Variants in MAGI1 observed in about 807,000 individuals in gnomAD.
The protein encoded by MAGI1 is membrane associated guanylate kinase, WW and PDZ domain containing 1, also known as membrane-associated guanylate kinase, WW and PDZ domain-containing protein 1.
In MAGI1, 58 loss-of-function variants were observed where a neutral mutation model predicts 139.9. That is an observed-to-expected ratio of 0.41 (90% CI 0.34 to 0.52). The LOEUF is 0.52. Among genes scored for constraint, MAGI1 ranks in the 20% least tolerant of loss-of-function variants. MAGI1 has a pLI of 0.12. For synonymous variants in MAGI1, 812 were observed against 737.9 expected (o/e 1.10, Z -1.63); for missense variants, 1,874 against 1,901.6 (o/e 0.99, Z 0.27).
Position 65,596,771 on chromosome 3 carries a change from A to G in MAGI1, c.430+25201T>C, listed in dbSNP as rs934082826. ...GGCCCATTCACTTACAGAACCAGAC[A>G]GGGAGAAAAGCCTTTTAGCTCCCAA... On this transcript the variant is annotated intron_variant, in intron 2 of 22. Coordinates refer to ENST00000402939, the MANE Select transcript of MAGI1 (RefSeq NM_001033057.2). Among the ~76,000 whole-genome samples, 7 of 152,216 alleles carry G rather than the reference A, an allele frequency of 4.6e-5. No homozygotes were observed. The South Asian group carries it at 8.3e-4, about 18-fold the overall frequency.
intron 1 of MAGI1, among the ~76,000 whole-genome samples, chr3:65,631,174 A>G (rs962211497): frequency 2.0e-5 from 3 of 152,208 alleles, no homozygotes; most frequent in Non-Finnish European, 4.4e-5. Flanking sequence ...GATGTAATTT[A>G]AAACTAGAAC....
chr3:65,449,110 C>T (rs1220381961), intron 6 of MAGI1, among the ~76,000 whole-genome samples: 1 of 113,398 alleles, frequency 8.8e-6, no homozygotes, highest in Non-Finnish European at 1.6e-5. Context: ...ACCTTGTAAA[C>T]TCTTGATTTG....
rs2084885805 is a variant in MAGI1, at chr3:65,639,833, T to C, written c.314-17745A>G. ...GCCTGACCAACATGGAAAAACCCCG[T>C]CTCTACTAAAAATACAAAATTAGCC... On this transcript the variant is annotated intron_variant, in intron 1 of 22. Coordinates refer to ENST00000402939, the MANE Select transcript of MAGI1 (RefSeq NM_001033057.2). Among the ~76,000 whole-genome samples, 12 of 151,900 alleles carry C rather than the reference T, an allele frequency of 7.9e-5. No individual in the cohort carries two copies. In the South Asian group the frequency reaches 2.5e-3, roughly 32 times the overall value.
intron 2 of MAGI1, among the ~76,000 whole-genome samples, chr3:65,498,446 A>AT: frequency 6.6e-6 from 1 of 152,308 alleles, no homozygotes; most frequent in Middle Eastern, 3.4e-3. Context: ...AAGAAAAAAA[A>AT]ATATATAACG....
chr3:65,969,006 C>A (rs1224341931), intron 1 of MAGI1, among the ~76,000 whole-genome samples: 2 of 152,146 alleles, frequency 1.3e-5, no homozygotes. Flanking sequence ...AGAAGGACTA[C>A]GTAATTTGCT....
At position 65,557,576 on chromosome 3, in the gene MAGI1, T is replaced by C. The variant is rs192385120; in HGVS notation, c.431-63945A>G. Among the ~76,000 whole-genome samples the C allele has an allele frequency of 3.9e-5, 6 of 152,296 alleles. No individual in the cohort carries two copies. In the East Asian group the frequency reaches 7.7e-4, roughly 20 times the overall value. ...AAGCAATTACCTTAAAACTTAGCAATAGATAATGAATATGCTTGGTTAGAT... is the reference window on the plus strand; with the variant it reads ...AAGCAATTACCTTAAAACTTAGCAACAGATAATGAATATGCTTGGTTAGAT... On this transcript the variant is annotated intron_variant, in intron 2 of 22. Coordinates refer to ENST00000402939, the MANE Select transcript of MAGI1 (RefSeq NM_001033057.2).
At chr3:65,736,943 A>C (rs1054491711) in intron 1 of MAGI1, among the ~76,000 whole-genome samples, 4 of 152,178 alleles carry the variant, frequency 2.6e-5, no homozygotes, top group Non-Finnish European at 5.9e-5. Context: ...AGAATACCAC[A>C]AACACCTTTG....
At chr3:65,987,493 G>A (rs2065941180) in intron 1 of MAGI1, among the ~76,000 whole-genome samples, 1 of 152,166 alleles carries the variant, frequency 6.6e-6, no homozygotes, top group Admixed American at 6.6e-5. Flanking sequence ...GGTGAGGCAG[G>A]CGAGCCACTT....
intron 1 of MAGI1, among the ~76,000 whole-genome samples, chr3:65,817,565 A>G (rs1182559106): frequency 6.6e-6 from 1 of 152,242 alleles, no homozygotes; most frequent in African/African-American, 2.4e-5. Context: ...TCTTGGTCCA[A>G]TAATATACTC....
At chr3:65,611,264 A>G (rs1429003417) in intron 2 of MAGI1, among the ~76,000 whole-genome samples, 2 of 142,096 alleles carry the variant, frequency 1.4e-5, no homozygotes, top group South Asian at 2.2e-4. Context: ...CATATATAGT[A>G]TATATACTAT....
At chr3:65,859,381 C>G (rs1170496491) in intron 1 of MAGI1, among the ~76,000 whole-genome samples, 1 of 151,642 alleles carries the variant, frequency 6.6e-6, no homozygotes, top group African/African-American at 2.4e-5. Context: ...AAAACTGAAA[C>G]TCCATTTAGC....
intron 2 of MAGI1, among the ~76,000 whole-genome samples, chr3:65,561,466 G>A (rs748094443): frequency 6.6e-6 from 1 of 152,094 alleles, no homozygotes; most frequent in Non-Finnish European, 1.5e-5. Context: ...CAAAATTCAA[G>A]GAGGTGCTTA....
intron 3 of MAGI1, among the ~76,000 whole-genome samples, chr3:65,490,240 C>T (rs946415337): frequency 6.6e-6 from 1 of 152,182 alleles, no homozygotes; most frequent in Non-Finnish European, 1.5e-5. Context: ...TATTATTATC[C>T]TCATTTTACC....
intron 2 of MAGI1, among the ~76,000 whole-genome samples, chr3:65,614,141 A>C (rs573328752): frequency 4.6e-5 from 7 of 152,302 alleles, no homozygotes; most frequent in African/African-American, 9.6e-5. Context: ...AAAGCCCATC[A>C]CATCTGAATG....
rs546142203 is a variant in MAGI1, at chr3:65,726,615, T to C, written c.314-104527A>G. On this transcript the variant is annotated intron_variant, in intron 1 of 22. Transcript: ENST00000402939. ...TCTCAAAAATGGCTAGAGAGAATTATTGTCTTTTATACATACTGATCCAAA... is the reference window on the plus strand; with the variant it reads ...TCTCAAAAATGGCTAGAGAGAATTACTGTCTTTTATACATACTGATCCAAA... Among the ~76,000 whole-genome samples, 7 of 152,324 alleles carry C rather than the reference T, an allele frequency of 4.6e-5. No homozygotes were observed. The East Asian group carries it at 9.6e-4, about 21-fold the overall frequency.
rs146708091 is a variant in MAGI1, at chr3:65,356,608, T to G, written c.4159A>C (p.Arg1387=). Residue 1387 remains arginine (R), a synonymous_variant, in exon 23 of 23, where the codon AGG becomes CGG. Transcript: ENST00000402939. ...LLEQRRSPER[R]RGGSPERRAK... is the part of the protein sequence containing the mutation. Reference sequence around the variant, plus strand: ...CTGCGCTCGGGCGAGCCCCCTCTCCTGCGCTCGGGGGACCTCCTCTGCTCC... The same window carrying G: ...CTGCGCTCGGGCGAGCCCCCTCTCCGGCGCTCGGGGGACCTCCTCTGCTCC... The G allele has an allele frequency of 5.4e-4, 865 of 1,595,284 alleles. 2 individuals are homozygous for G. The highest frequency in any genetic ancestry group is 6.8e-4 in the Non-Finnish European group (799 of 1,172,910).
intron 1 of MAGI1, among the ~76,000 whole-genome samples, chr3:65,878,882 G>A (rs1293573840): frequency 6.6e-6 from 1 of 152,160 alleles, no homozygotes; most frequent in South Asian, 2.1e-4. Context: ...GTAGGGGAAA[G>A]AGCAGAGGTG....
At chr3:65,820,034 GA>G (rs201518350) in intron 1 of MAGI1, among the ~76,000 whole-genome samples, 4,473 of 151,794 alleles carry the variant, frequency 0.029, 110 homozygotes, top group Middle Eastern at 0.048. Flanking sequence ...CATCCCACTG[GA>G]CAACTGGGAT....
At chr3:65,374,658 T>C (rs879786105) in intron 18 of MAGI1, among the ~76,000 whole-genome samples, 15 of 152,160 alleles carry the variant, frequency 9.9e-5, no homozygotes, top group Admixed American at 8.5e-4. Flanking sequence ...ACAATGAGTA[T>C]TGGTATTTTG....
Sources: gnomAD v4.1 joint callset for allele counts (sites outside exome capture counted in the v4.1 genomes callset) on GRCh38, gnomAD v4.1.1 for gene constraint, MANE v1.5 for transcripts, NCBI Gene and HGNC (gene_info 2026-07-23, HGNC 2026-07-21) for gene names.